AASDH: variants seen among roughly 807,000 people sequenced by gnomAD.
AASDH encodes the protein aminoadipate-semialdehyde dehydrogenase, also known as beta-alanine-activating enzyme.
Under a neutral mutation model 102.3 loss-of-function variants are expected in AASDH, and 81 were observed. The ratio of observed to expected loss-of-function variants is 0.79; its 90% CI spans 0.66 to 0.95. The LOEUF is 0.95. AASDH is among the 40% of genes least tolerant of loss of function. AASDH has a pLI of 0.00. For synonymous variants in AASDH, 398 were observed against 454.0 expected, an observed-to-expected ratio of 0.88 and a Z score of 1.57; for missense variants, 1,203 against 1,266.2, an observed-to-expected ratio of 0.95 and a Z score of 0.76.
rs181234375 is a variant in AASDH, at chr4:56,339,612, G to A, written c.2908-821C>T. Among the ~76,000 whole-genome samples the A allele has an allele frequency of 4.2e-4, 63 of 151,578 alleles. No individual in the cohort carries two copies. The East Asian group carries it at 0.012, about 29-fold the overall frequency. ...TTAAAAATACAAAAATTAGCCAGGT[G>A]TGGTGGCACACACCTACAGTCCCAG... On this transcript the variant is annotated intron_variant, in intron 14 of 14. Transcript: ENST00000205214.
At chr4:56,368,956 GAAT>G (rs1415825357) in intron 5 of AASDH, among the ~76,000 whole-genome samples, 1 of 149,982 alleles carries the variant, frequency 6.7e-6, no homozygotes, top group Non-Finnish European at 1.5e-5. Context: ...CTAAAATTCA[GAAT>G]AAGAAAAGGC....
intron 4 of AASDH, among the ~76,000 whole-genome samples, chr4:56,377,342 G>C (rs1049882184): frequency 2.0e-5 from 3 of 152,030 alleles, no homozygotes; most frequent in Non-Finnish European, 2.9e-5. Flanking sequence ...CTAATCTCTT[G>C]ACCACATCAG....
At chr4:56,362,795 A>T (rs1314498405) in intron 5 of AASDH, among the ~76,000 whole-genome samples, 1 of 152,162 alleles carries the variant, frequency 6.6e-6, no homozygotes, top group Non-Finnish European at 1.5e-5. Context: ...TCCAGTCTAC[A>T]GCTCCCAGCG....
Position 56,371,522 on chromosome 4 carries a change from T to C in AASDH, c.790A>G (p.Thr264Ala). 2 of 1,613,048 alleles carry C rather than the reference T, an allele frequency of 1.2e-6. No individual in the cohort carries two copies. Among genetic ancestry groups the C allele is most frequent in the African/African-American group, 1.3e-5 (1 of 74,970 alleles). Reference sequence around the variant, plus strand: ...TTTGATGGGAGCAACTTGACGGAAGTTGGTACAATAAGCAGAGAGGCACCA... The same window carrying C: ...TTTGATGGGAGCAACTTGACGGAAGCTGGTACAATAAGCAGAGAGGCACCA... Reference protein sequence around the residue: ...SSGASLLIVPTSVKLLPSKLA... With the variant: ...SSGASLLIVPASVKLLPSKLA... Residue 264 changes from threonine to alanine, a missense_variant, in exon 5 of 15, where the codon ACT becomes GCT. Physicochemically the swap from Thr to Ala is moderately conservative, Grantham distance 58. Transcript: ENST00000205214.
At chr4:56,342,518 T>C (rs1270433801) in intron 14 of AASDH, among the ~76,000 whole-genome samples, 1 of 152,228 alleles carries the variant, frequency 6.6e-6, no homozygotes, top group Non-Finnish European at 1.5e-5. Flanking sequence ...ACTGGTAATA[T>C]TTTAAAAATT....
intron 5 of AASDH, among the ~76,000 whole-genome samples, chr4:56,357,612 TA>T (rs1271708292): frequency 1.3e-5 from 2 of 150,354 alleles, no homozygotes; most frequent in African/African-American, 4.9e-5. Flanking sequence ...AATAATCTTG[TA>T]TAATTCCATT....
intron 5 of AASDH, among the ~76,000 whole-genome samples, chr4:56,361,886 C>T (rs1272251042): frequency 6.6e-6 from 1 of 152,136 alleles, no homozygotes; most frequent in African/African-American, 2.4e-5. Context: ...GTGGGAGGAT[C>T]ACTTGAGCCC....
Position 56,338,353 on chromosome 4 carries a change from A to G in AASDH, c.*49T>C, listed in dbSNP as rs759283360. 6.4e-7 allele frequency: 1 copy of G among 1,567,052 alleles called. No homozygotes were observed. The highest frequency in any genetic ancestry group is 1.9e-5 in the Admixed American group (1 of 52,412). ...AGTCCACATGATGTATAATGGTAAA[A>G]TATTTTCAAATATCTCACATTTGTT... On this transcript the variant is annotated 3_prime_UTR_variant, in exon 15 of 15. Transcript: ENST00000205214.
chr4:56,346,008 T>G (rs1748290879), intron 11 of AASDH, among the ~76,000 whole-genome samples: 1 of 152,232 alleles, frequency 6.6e-6, no homozygotes, highest in Non-Finnish European at 1.5e-5. Flanking sequence ...CCTATGCTCT[T>G]AACAACTAAA....
chr4:56,353,665 T>C, intron 8 of AASDH, 69 bp from the exon 9 acceptor site: 1 of 1,381,192 alleles, frequency 7.2e-7, no homozygotes, highest in Non-Finnish European at 9.8e-7. Flanking sequence ...AGCTTATTTT[T>C]TTAATGTCTG....
chr4:56,342,653 T>G (rs2109845941), intron 14 of AASDH, among the ~76,000 whole-genome samples, 182 bp downstream of exon 14: 1 of 152,016 alleles, frequency 6.6e-6, no homozygotes, highest in African/African-American at 2.4e-5. Flanking sequence ...CTCAACACCG[T>G]GAGTTGAATA....
intron 5 of AASDH, among the ~76,000 whole-genome samples, chr4:56,360,591 G>T (rs1355730723): frequency 6.6e-6 from 1 of 152,096 alleles, no homozygotes. Context: ...ATATGTCTTT[G>T]GTTGATTTCC....
intron 9 of AASDH, among the ~76,000 whole-genome samples, chr4:56,352,143 TA>T (rs990843155): frequency 2.8e-4 from 43 of 152,068 alleles, no homozygotes; most frequent in African/African-American, 9.6e-4. Flanking sequence ...ATAATAAAAA[TA>T]AAATTAAAAT....
rs1442507943 is a variant in AASDH at position 56,349,684 on chromosome 4, A to C, written c.2067T>G (p.Ser689=). 1 of 1,614,102 alleles carries C rather than the reference A, an allele frequency of 6.2e-7. No homozygotes were observed. Among genetic ancestry groups the C allele is most frequent in the Non-Finnish European group, 8.5e-7 (1 of 1,180,052 alleles). ...TTGTTAAAAACCTAGTGGAATTCAG[A>C]GACAAAATTTGACTCCCTCTGCTCA... is the stretch of plus-strand genomic sequence containing the variant. ...VVLSRGSQIL[S]LNSTRFLTKL... The change falls in exon 11 of 15, where the codon TCT becomes TCG. Residue 689 remains serine (S), a synonymous_variant. Transcript: ENST00000205214.
At chr4:56,353,356 A>G (rs770101851) in intron 9 of AASDH, 48 bp downstream of exon 9, 2 of 1,407,478 alleles carry the variant, frequency 1.4e-6, no homozygotes, top group Non-Finnish European at 1.9e-6. Flanking sequence ...TTATGAATAC[A>G]ATTAGTATTA....
intron 1 of AASDH, among the ~76,000 whole-genome samples, chr4:56,386,133 ACATT>A (rs1191977388): frequency 5.3e-5 from 8 of 152,060 alleles, no homozygotes; most frequent in South Asian, 2.1e-4. Context: ...TTTAGTACTT[ACATT>A]ATTTATTTTT....
chr4:56,358,805 T>C (rs772775651), intron 5 of AASDH, among the ~76,000 whole-genome samples: 11 of 152,292 alleles, frequency 7.2e-5, no homozygotes, highest in Non-Finnish European at 1.3e-4. Flanking sequence ...AATCATTGGA[T>C]GGAGTGTTCC....
chr4:56,387,276 T>A (rs1234918119), intron 1 of AASDH, 86 bp downstream of exon 1: 3 of 152,326 alleles, frequency 2.0e-5, no homozygotes, highest in Non-Finnish European at 4.4e-5. Flanking sequence ...GCTGAGCAAA[T>A]GTATGTGGAA....
intron 9 of AASDH, among the ~76,000 whole-genome samples, chr4:56,351,711 C>G (rs1256049403): frequency 1.3e-5 from 2 of 151,878 alleles, no homozygotes; most frequent in African/African-American, 4.8e-5. Flanking sequence ...GTGGGAGGAT[C>G]GCTTGAGGCT....
Sources: gnomAD v4.1 joint callset for allele counts (sites outside exome capture counted in the v4.1 genomes callset) on GRCh38, gnomAD v4.1.1 for gene constraint, MANE v1.5 for transcripts, NCBI Gene and HGNC (gene_info 2026-07-23, HGNC 2026-07-21) for gene names.